The following ATP8A2 variants were observed in gnomAD, a reference collection of about 807,000 sequenced individuals.
ATP8A2 encodes the protein phospholipid-transporting ATPase IB.
In ATP8A2, 100 loss-of-function variants were observed where a neutral mutation model predicts 165.6. That is an observed-to-expected ratio of 0.60 (90% CI 0.51 to 0.71). ATP8A2 has a LOEUF of 0.71. ATP8A2 is among the 30% of genes least tolerant of loss of function. The probability of loss-of-function intolerance (pLI) is 0.00; values close to 1 mark genes in which losing one functional copy is unlikely to be tolerated. For missense variants in ATP8A2, 1,227 were observed against 1,479.5 expected (o/e 0.83, Z 2.80); for synonymous variants, 543 against 548.8 (o/e 0.99, Z 0.15).
In ATP8A2 at chr13:25,520,459, T is replaced by C. The variant is rs550322424; in HGVS notation, c.222-9540T>C. ...TAGGTTGATTCTATATTTTGGCTAC[T>C]GTAAATATGCTGAATAGTGCTGCAA... On this transcript the variant is annotated intron_variant, in intron 2 of 36. Coordinates refer to ENST00000381655, the MANE Select transcript of ATP8A2 (RefSeq NM_016529.6). 3.9e-5 allele frequency among the ~76,000 whole-genome samples: 6 copies of C among 152,368 alleles called. No homozygotes were observed. In the East Asian group the frequency reaches 1.2e-3, roughly 29 times the overall value.
intron 1 of ATP8A2, among the ~76,000 whole-genome samples, chr13:25,444,653 G>C (rs933108958): frequency 7.2e-6 from 1 of 139,658 alleles, no homozygotes; most frequent in African/African-American, 2.7e-5. Flanking sequence ...TTTTTGTTTT[G>C]TTTTGTTTTT....
chr13:25,938,583 G>C (rs1382552769), intron 33 of ATP8A2, among the ~76,000 whole-genome samples: 1 of 152,110 alleles, frequency 6.6e-6, no homozygotes, highest in Non-Finnish European at 1.5e-5. Context: ...AGGGAACAAA[G>C]GTGCTAACAG....
chr13:25,763,403 C>T (rs1475520864), intron 25 of ATP8A2, among the ~76,000 whole-genome samples: 1 of 152,174 alleles, frequency 6.6e-6, no homozygotes, highest in Admixed American at 6.5e-5. Flanking sequence ...AGTTACAGCT[C>T]CTCGCCATGT....
At chr13:25,472,604 GATAA>G (rs1477706858) in intron 2 of ATP8A2, among the ~76,000 whole-genome samples, 3 of 152,150 alleles carry the variant, frequency 2.0e-5, no homozygotes, top group East Asian at 1.9e-4. Flanking sequence ...TTTATAAAAG[GATAA>G]ATAATTTGTT....
At chr13:25,798,566 A>C (rs1383723436) in intron 27 of ATP8A2, among the ~76,000 whole-genome samples, 1 of 152,208 alleles carries the variant, frequency 6.6e-6, no homozygotes, top group Middle Eastern at 3.2e-3. Flanking sequence ...ATTGCAAACA[A>C]TTTTAAATCC....
rs199717243 is a variant in ATP8A2, at chr13:25,968,692, G to C, written c.3377+13G>C. Reference sequence around the variant, plus strand: ...GCAATGGAAAGAGGTGGGGAACTCCGTCCCAGTCCGCACAGAACACAGGTG... The same window carrying C: ...GCAATGGAAAGAGGTGGGGAACTCCCTCCCAGTCCGCACAGAACACAGGTG... On this transcript the variant is annotated intron_variant, in intron 35 of 36. Transcript: ENST00000381655. 2 of 1,599,718 alleles carry C rather than the reference G, an allele frequency of 1.3e-6. No homozygotes were observed. The highest frequency in any genetic ancestry group is 1.1e-5 in the South Asian group (1 of 89,432).
At chr13:25,653,599 T>G (rs950111038) in intron 24 of ATP8A2, among the ~76,000 whole-genome samples, 1 of 152,216 alleles carries the variant, frequency 6.6e-6, no homozygotes, top group East Asian at 1.9e-4. Flanking sequence ...TCCTGAACTT[T>G]AAAATAAAAG....
At chr13:25,665,440 A>T (rs7322159) in intron 24 of ATP8A2, among the ~76,000 whole-genome samples, 10,317 of 152,112 alleles carry the variant, frequency 0.068, 959 homozygotes, top group East Asian at 0.24. Context: ...AATAAATATT[A>T]AAAAAGAACA....
intron 30 of ATP8A2, among the ~76,000 whole-genome samples, chr13:25,847,652 C>A (rs1345250993): frequency 3.3e-5 from 5 of 152,188 alleles, no homozygotes; most frequent in Non-Finnish European, 7.3e-5. Context: ...TTATTTCTCA[C>A]CCATGTCCCT....
chr13:25,741,652 C>G (rs912775799), intron 25 of ATP8A2, among the ~76,000 whole-genome samples: 5 of 152,042 alleles, frequency 3.3e-5, no homozygotes, highest in African/African-American at 4.8e-5. Flanking sequence ...GCTGAGATTA[C>G]AGGCATGAGC....
intron 16 of ATP8A2, among the ~76,000 whole-genome samples, chr13:25,565,113 T>C (rs1447066044): frequency 2.0e-5 from 3 of 152,224 alleles, no homozygotes; most frequent in Non-Finnish European, 2.9e-5. Context: ...ATATATTATA[T>C]ATGTATATAT....
chr13:25,801,315 T>G (rs1352536054), intron 27 of ATP8A2, among the ~76,000 whole-genome samples: 1 of 152,172 alleles, frequency 6.6e-6, no homozygotes, highest in Non-Finnish European at 1.5e-5. Context: ...TGGAATGAGT[T>G]AGTGCTCTGA....
chr13:25,772,540 G>A (rs78188438), intron 26 of ATP8A2, among the ~76,000 whole-genome samples: 4,159 of 151,960 alleles, frequency 0.027, 173 homozygotes, highest in African/African-American at 0.095. Flanking sequence ...TTTAGATTCC[G>A]AATGCGTGGT....
At chr13:25,727,797 C>T (rs1465737705) in intron 25 of ATP8A2, among the ~76,000 whole-genome samples, 1 of 152,172 alleles carries the variant, frequency 6.6e-6, no homozygotes, top group Non-Finnish European at 1.5e-5. Flanking sequence ...ATATACTCCC[C>T]TTTGTAATTT....
intron 27 of ATP8A2, among the ~76,000 whole-genome samples, chr13:25,782,291 G>A (rs1242794109): frequency 8.5e-5 from 13 of 152,360 alleles, no homozygotes; most frequent in Admixed American, 4.6e-4. Flanking sequence ...TGAGTGCGGT[G>A]TTAAAATGTT....
At chr13:25,402,030 A>G (rs1468667114) in intron 1 of ATP8A2, among the ~76,000 whole-genome samples, 1 of 152,076 alleles carries the variant, frequency 6.6e-6, no homozygotes, top group Non-Finnish European at 1.5e-5. Context: ...TGGGGCCATT[A>G]GTAAGTCAAA....
intron 24 of ATP8A2, among the ~76,000 whole-genome samples, chr13:25,632,519 T>G (rs1163558505): frequency 6.6e-6 from 1 of 152,168 alleles, no homozygotes; most frequent in Non-Finnish European, 1.5e-5. Context: ...CTGTGCCAGG[T>G]AACAGGGATG....
chr13:25,851,947 A>C (rs1196225188), intron 30 of ATP8A2, among the ~76,000 whole-genome samples: 1 of 152,158 alleles, frequency 6.6e-6, no homozygotes, highest in Non-Finnish European at 1.5e-5. Context: ...GGCTCAAGCA[A>C]CCGTCCTGCC....
At chr13:25,651,393 A>G (rs930511779) in intron 24 of ATP8A2, among the ~76,000 whole-genome samples, 51 of 152,116 alleles carry the variant, frequency 3.4e-4, no homozygotes, top group African/African-American at 1.2e-3. Context: ...CAGTGAATCA[A>G]GATCACGCCA....
Sources: gnomAD v4.1 joint callset for allele counts (sites outside exome capture counted in the v4.1 genomes callset) on GRCh38, gnomAD v4.1.1 for gene constraint, MANE v1.5 for transcripts, NCBI Gene and HGNC (gene_info 2026-07-23, HGNC 2026-07-21) for gene names.